ZMYM2: variants seen among roughly 807,000 people sequenced by gnomAD.
The protein encoded by ZMYM2 is zinc finger MYM-type protein 2.
A neutral mutation model predicts 162.8 loss-of-function variants in ZMYM2; 56 were observed. The observed-to-expected ratio is 0.34, with a 90% CI of 0.28 to 0.43. The LOEUF (loss-of-function observed/expected upper bound fraction) is 0.43. Among genes scored for constraint, ZMYM2 ranks in the 20% least tolerant of loss-of-function variants. ZMYM2 has a pLI of 1.00. For missense variants in ZMYM2, 1,275 were observed against 1,621.8 expected, an observed-to-expected ratio of 0.79 and a Z score of 3.67; for synonymous variants, 510 against 541.6, an observed-to-expected ratio of 0.94 and a Z score of 0.81.
chr13:19,895,503 G>A, the ZMYM2 span, among the ~76,000 whole-genome samples: 2 of 151,904 alleles, frequency 1.3e-5, no homozygotes, highest in African/African-American at 4.9e-5. Context: ...GGGACTCTCT[G>A]AAGTGTCTCA....
the ZMYM2 span, among the ~76,000 whole-genome samples, chr13:19,931,087 C>G: frequency 2.0e-5 from 3 of 147,104 alleles, no homozygotes; most frequent in Non-Finnish European, 3.0e-5. Context: ...TGCAGTGAGC[C>G]GAGATGGCGC....
chr13:19,966,335 T>C (rs889943594), intron 2 of ZMYM2, among the ~76,000 whole-genome samples: 4 of 150,720 alleles, frequency 2.7e-5, no homozygotes, highest in Non-Finnish European at 5.9e-5. Context: ...GGTTTCTACA[T>C]GTTGGTGAGG....
chr13:19,945,431 T>C, the ZMYM2 span, among the ~76,000 whole-genome samples: 1 of 152,066 alleles, frequency 6.6e-6, no homozygotes, highest in African/African-American at 2.4e-5. Flanking sequence ...TTCCTATTTT[T>C]AGTAGAGACG....
chr13:20,063,561 A>C (rs1037276069), intron 18 of ZMYM2, among the ~76,000 whole-genome samples: 5 of 151,010 alleles, frequency 3.3e-5, no homozygotes, highest in African/African-American at 1.2e-4. Flanking sequence ...TGGGTGGATC[A>C]CCTGAGGTCA....
At chr13:19,997,000 T>C (rs908199300) in intron 3 of ZMYM2, among the ~76,000 whole-genome samples, 7 of 152,188 alleles carry the variant, frequency 4.6e-5, no homozygotes, top group African/African-American at 1.2e-4. Context: ...TGCGTGTTAA[T>C]AGCCAGCACA....
intron 3 of ZMYM2, among the ~76,000 whole-genome samples, chr13:19,998,652 C>T (rs1950186017): frequency 6.6e-6 from 1 of 152,148 alleles, no homozygotes; most frequent in South Asian, 2.1e-4. Flanking sequence ...CCAGAATGCA[C>T]TCTTTATTCT....
At chr13:19,880,655 C>T in the ZMYM2 span, among the ~76,000 whole-genome samples, 1 of 152,072 alleles carries the variant, frequency 6.6e-6, no homozygotes, top group Non-Finnish European at 1.5e-5. Context: ...TCTTGAACTC[C>T]TGAGCTCAGG....
chr13:19,902,777 CTGAGGTG>C, the ZMYM2 span, among the ~76,000 whole-genome samples: 1 of 152,128 alleles, frequency 6.6e-6, no homozygotes, highest in Non-Finnish European at 1.5e-5. Flanking sequence ...CTTTGGGAGG[CTGAGGTG>C]TGAGGATCCC....
At chr13:20,039,588 C>A (rs887411720) in intron 12 of ZMYM2, among the ~76,000 whole-genome samples, 4 of 151,614 alleles carry the variant, frequency 2.6e-5, no homozygotes, top group African/African-American at 9.7e-5. Flanking sequence ...ATTCTCCTGC[C>A]TCACCCTCCC....
At chr13:19,893,913 A>G in the ZMYM2 span, among the ~76,000 whole-genome samples, 2 of 151,986 alleles carry the variant, frequency 1.3e-5, no homozygotes, top group East Asian at 3.9e-4. Flanking sequence ...AGCTGGTCCT[A>G]CAGGCACACA....
the ZMYM2 span, among the ~76,000 whole-genome samples, chr13:19,867,995 G>A: frequency 1.4e-4 from 21 of 152,324 alleles, no homozygotes; most frequent in Admixed American, 6.5e-4. Context: ...GGCCACTGCC[G>A]TTGCTCACCA....
chr13:20,036,801 C>T lies in ZMYM2; in HGVS notation c.2184C>T (p.Asn728=). The T allele has an allele frequency of 1.2e-6, 2 of 1,606,318 alleles. No homozygotes were observed. The highest frequency in any genetic ancestry group is 1.7e-6 in the Non-Finnish European group (2 of 1,176,004). The change falls in exon 12 of 25, where the codon AAC becomes AAT. Residue 728 remains asparagine (N), a synonymous_variant. Transcript: ENST00000610343. ...TAGGATTGAGATGTGTTACTTGCAA[C>T]TATTGTTCTCAGCTATGTAAGAAGG... ...RRLGLRCVTC[N]YCSQLCKKGA...
In ZMYM2 at chr13:20,088,126, A is replaced by G. The variant is rs987642154; in HGVS notation, c.*2112A>G. On this transcript the variant is annotated 3_prime_UTR_variant, in exon 25 of 25. Transcript: ENST00000610343. ...TTAGCTTTTCTAAGTGGAAATGTCT[A>G]CATAATTTTGATCTTGACATGATTG... The G allele has an allele frequency of 4.5e-5, 9 of 202,226 alleles. No homozygotes were observed. Among genetic ancestry groups the G allele is most frequent in the African/African-American group, 9.2e-5 (4 of 43,686 alleles). The allele number at this position is 202,226 out of a possible 1,614,324, so 12.5% of individuals were successfully genotyped here.
chr13:20,068,684 A>G (rs190249671), intron 21 of ZMYM2, among the ~76,000 whole-genome samples: 1 of 152,242 alleles, frequency 6.6e-6, no homozygotes, highest in East Asian at 1.9e-4. Flanking sequence ...CCAGGTGTAG[A>G]TGAAATTGTC....
chr13:19,904,427 A>G, the ZMYM2 span, among the ~76,000 whole-genome samples: 3 of 135,654 alleles, frequency 2.2e-5, no homozygotes, highest in Non-Finnish European at 4.6e-5. Flanking sequence ...GCGTGGTGGC[A>G]GGCACCTGTA....
At chr13:19,917,214 G>A in the ZMYM2 span, among the ~76,000 whole-genome samples, 5 of 151,856 alleles carry the variant, frequency 3.3e-5, no homozygotes, top group South Asian at 4.1e-4. Context: ...CGCCCGCCTT[G>A]GCCTCCCAAA....
chr13:19,937,119 AT>A, the ZMYM2 span, among the ~76,000 whole-genome samples: 1 of 152,056 alleles, frequency 6.6e-6, no homozygotes, highest in Non-Finnish European at 1.5e-5. Flanking sequence ...AATTTTAAAA[AT>A]ATATGACATT....
chr13:19,957,334 C>G (rs1352439969), upstream of ZMYM2, among the ~76,000 whole-genome samples: 1 of 152,126 alleles, frequency 6.6e-6, no homozygotes, highest in Non-Finnish European at 1.5e-5. Context: ...GTCAGATAAT[C>G]GTGAAATTGA....
At chr13:20,052,656 CAAT>C (rs1470300308) in intron 14 of ZMYM2, among the ~76,000 whole-genome samples, 1 of 151,864 alleles carries the variant, frequency 6.6e-6, no homozygotes, top group African/African-American at 2.4e-5. Context: ...AAGACAATGG[CAAT>C]AGTATGTTTG....
Sources: gnomAD v4.1 joint callset for allele counts (sites outside exome capture counted in the v4.1 genomes callset) on GRCh38, gnomAD v4.1.1 for gene constraint, MANE v1.5 for transcripts, NCBI Gene and HGNC (gene_info 2026-07-23, HGNC 2026-07-21) for gene names.